VOPP1: variants seen among roughly 807,000 people sequenced by gnomAD.
VOPP1 encodes the protein VOPP1 WW domain binding protein.
In VOPP1, 8 loss-of-function variants were observed where a neutral mutation model predicts 23.5. The ratio of observed to expected loss-of-function variants is 0.34; its 90% CI spans 0.20 to 0.61. The LOEUF (loss-of-function observed/expected upper bound fraction) is 0.61, where lower values mean the gene tolerates loss of function less well. VOPP1 is among the 20% of genes least tolerant of loss of function. VOPP1 has a pLI of 0.78. For missense variants in VOPP1, 174 were observed against 238.1 expected (o/e 0.73, Z 1.77); for synonymous variants, 83 against 97.3 (o/e 0.85, Z 0.86).
At chr7:55,546,066 C>T (rs1400093216) in intron 1 of VOPP1, among the ~76,000 whole-genome samples, 1 of 151,710 alleles carries the variant, frequency 6.6e-6, no homozygotes, top group Non-Finnish European at 1.5e-5. Context: ...GACCCTGTCT[C>T]AATTAAAAAA....
chr7:55,560,015 T>C (rs1233144471), intron 1 of VOPP1, among the ~76,000 whole-genome samples: 2 of 152,140 alleles, frequency 1.3e-5, no homozygotes, highest in East Asian at 1.9e-4. Context: ...TAGCTGGGGA[T>C]GGTGGCGCAC....
At chr7:55,445,143 T>C (rs1310529715) in intron 4 of VOPP1, among the ~76,000 whole-genome samples, 1 of 152,096 alleles carries the variant, frequency 6.6e-6, no homozygotes, top group African/African-American at 2.4e-5. Context: ...GGTGAAACCA[T>C]TTTGTCATAT....
chr7:55,484,965 A>G (rs1793024110), intron 4 of VOPP1, among the ~76,000 whole-genome samples: 1 of 152,240 alleles, frequency 6.6e-6, no homozygotes, highest in African/African-American at 2.4e-5. Context: ...GTCAGCCCAC[A>G]GCATGCAAGA....
intron 1 of VOPP1, chr7:55,562,161 A>G: frequency 1.4e-6 from 1 of 691,000 alleles, no homozygotes; most frequent in Admixed American, 2.0e-5. Context: ...GTCTCTGTAG[A>G]TACTGAAAGC....
intron 1 of VOPP1, among the ~76,000 whole-genome samples, chr7:55,532,652 C>T (rs569649934): frequency 7.3e-6 from 1 of 136,952 alleles, no homozygotes; most frequent in East Asian, 2.2e-4. Context: ...GGAAATGATA[C>T]CCTGGTGTGG....
chr7:55,512,684 G>A (rs552098945), intron 2 of VOPP1, among the ~76,000 whole-genome samples: 8 of 152,342 alleles, frequency 5.3e-5, no homozygotes, highest in African/African-American at 1.9e-4. Flanking sequence ...GCAGGCGTAT[G>A]GAGCACTCAG....
intron 1 of VOPP1, among the ~76,000 whole-genome samples, chr7:55,550,889 T>C (rs1797578980): frequency 6.6e-6 from 1 of 152,190 alleles, no homozygotes; most frequent in Admixed American, 6.5e-5. Flanking sequence ...ATTTTCATAA[T>C]AAAGCAATTA....
chr7:55,503,035 T>C (rs907149062), intron 2 of VOPP1, among the ~76,000 whole-genome samples: 1 of 152,218 alleles, frequency 6.6e-6, no homozygotes, highest in Non-Finnish European at 1.5e-5. Context: ...GCAGCAGACA[T>C]GGGCCCCTGG....
chr7:55,521,172 T>A, intron 1 of VOPP1, 42 bp from the exon 2 acceptor site: 1 of 1,541,502 alleles, frequency 6.5e-7, no homozygotes, highest in Non-Finnish European at 8.8e-7. Context: ...TACTCAGGAA[T>A]CTGCATGTTG....
downstream of VOPP1, among the ~76,000 whole-genome samples, chr7:55,466,376 G>C (rs1791631985): frequency 6.6e-6 from 1 of 152,176 alleles, no homozygotes; most frequent in South Asian, 2.1e-4. Context: ...TGGAGGGAGG[G>C]ACTCCTCTCC....
intron 1 of VOPP1, among the ~76,000 whole-genome samples, chr7:55,552,021 C>CAAA (rs202229227): frequency 1.8e-5 from 1 of 55,782 alleles, no homozygotes; most frequent in African/African-American, 8.5e-5. Context: ...AGACTGTGTC[C>CAAA]AAAAAAAAAA....
chr7:55,463,140 A>G (rs1219003479), intron 4 of VOPP1, among the ~76,000 whole-genome samples: 3 of 152,228 alleles, frequency 2.0e-5, no homozygotes, highest in Non-Finnish European at 4.4e-5. Context: ...GTGGCCAAAC[A>G]TATGGCCTAT....
At position 55,561,864 on chromosome 7, in the gene VOPP1, A is replaced by T. The variant is rs1056043912; in HGVS notation, c.54+10407T>A. The T allele has an allele frequency of 1.3e-5, 9 of 685,044 alleles. No individual in the cohort carries two copies. The African/African-American group carries it at 1.4e-4, about 11-fold the overall frequency. 42.4% of individuals were successfully genotyped at this position (685,044 alleles called of 1,614,324 possible). A position where few individuals can be genotyped will look rare whatever the true frequency, so the allele number is the denominator to read the frequency against. On this transcript the variant is annotated intron_variant, in intron 1 of 4. Coordinates refer to ENST00000285279, the MANE Select transcript of VOPP1 (RefSeq NM_030796.5). ...GGACTTAACTCATACCCAAGTGGAC[A>T]ATGAGAGTAGCCTTCCATGACACCA...
chr7:55,470,292 T>A (rs981166731), downstream of VOPP1, among the ~76,000 whole-genome samples: 23 of 152,252 alleles, frequency 1.5e-4, no homozygotes, highest in Admixed American at 7.8e-4. Flanking sequence ...GAGAGAAGTG[T>A]TATTTCTGAC....
chr7:55,536,797 C>T (rs1796821581), intron 1 of VOPP1, among the ~76,000 whole-genome samples: 1 of 152,154 alleles, frequency 6.6e-6, no homozygotes, highest in African/African-American at 2.4e-5. Flanking sequence ...GCTCAGGCAG[C>T]GCATCTGCCA....
chr7:55,444,075 T>C (rs183221495), intron 4 of VOPP1, among the ~76,000 whole-genome samples: 8 of 121,864 alleles, frequency 6.6e-5, no homozygotes, highest in Admixed American at 4.8e-4. Context: ...ACTGGCCCTT[T>C]ATCTATTGCT....
At chr7:55,521,495 TTC>T in intron 1 of VOPP1, 1 of 1,025,548 alleles carries the variant, frequency 9.8e-7, no homozygotes, top group Non-Finnish European at 1.2e-6. Flanking sequence ...GCCCCCCAAT[TTC>T]TGTTTTAGAG....
chr7:55,477,121 C>A (rs2129010622), intron 4 of VOPP1, among the ~76,000 whole-genome samples: 1 of 152,350 alleles, frequency 6.6e-6, no homozygotes, highest in Middle Eastern at 3.4e-3. Context: ...CTCAGAATCA[C>A]CAGGCAGCCC....
chr7:55,493,255 A>T (rs1793708080), intron 3 of VOPP1: 1 of 133,806 alleles, frequency 7.5e-6, no homozygotes, highest in South Asian at 2.5e-4. Flanking sequence ...GTAGTAGACA[A>T]AACTGGCAAA....
Sources: allele counts gnomAD v4.1 joint callset (sites outside exome capture counted in the v4.1 genomes callset), GRCh38; gene constraint gnomAD v4.1.1; transcripts MANE v1.5; gene names NCBI Gene and HGNC (gene_info 2026-07-23, HGNC 2026-07-21).